STRN4: variants seen among roughly 807,000 people sequenced by gnomAD.
STRN4 encodes the protein striatin 4.
In STRN4, 27 loss-of-function variants were observed where a neutral mutation model predicts 77.9. That is an observed-to-expected ratio of 0.35 (90% CI 0.26 to 0.48). The LOEUF (loss-of-function observed/expected upper bound fraction) is 0.48, where lower values mean the gene tolerates loss of function less well. Ranked by LOEUF, STRN4 falls within the 20% of genes least tolerant of loss-of-function variation. The probability of loss-of-function intolerance (pLI) is 0.99; values close to 1 mark genes in which losing one functional copy is unlikely to be tolerated. For synonymous variants in STRN4, 466 were observed against 443.1 expected (o/e 1.05, Z -0.65); for missense variants, 798 against 1,049.7 (o/e 0.76, Z 3.31).
Position 46,733,710 on chromosome 19 carries a change from T to C in STRN4, c.540-474A>G, listed in dbSNP as rs1211724821. The C allele has an allele frequency of 6.4e-6, 1 of 157,410 alleles. No individual in the cohort carries two copies. The highest frequency in any genetic ancestry group is 1.9e-4 in the East Asian group (1 of 5,282). The allele number at this position is 157,410 out of a possible 1,614,324, so 9.8% of individuals were successfully genotyped here. ...CACACGCAAACACACGTTTGTATTA[T>C]GTCCCCCAAGAGGCCTAGAAAGATC... On this transcript the variant is annotated intron_variant, in intron 4 of 17. Transcript: ENST00000263280. The surrounding 1 kb of genome is among the most constrained non-coding windows in gnomAD (Gnocchi z 4.3).
At chr19:46,730,365 G>A (rs1186294418) in intron 6 of STRN4, among the ~76,000 whole-genome samples, 1 of 152,162 alleles carries the variant, frequency 6.6e-6, no homozygotes, top group Non-Finnish European at 1.5e-5. Context: ...GGGAGCCCAG[G>A]GTGAGTCAGA....
rs117891135 is a variant in STRN4 at position 46,734,526 on chromosome 19, C to A, written c.540-1290G>T. Among the ~76,000 whole-genome samples, 1,276 of 152,282 alleles carry A rather than the reference C, an allele frequency of 8.4e-3. 15 individuals are homozygous for A. Among genetic ancestry groups the A allele is most frequent in the Middle Eastern group, 0.017 (5 of 294 alleles). On this transcript the variant is annotated intron_variant, in intron 4 of 17. Coordinates refer to ENST00000263280, the MANE Select transcript of STRN4 (RefSeq NM_013403.3). ...AGCAACCTTGACAAAATACAAGGAA[C>A]TGACCATGGAGAGTTATGGTTATCT...
intron 1 of STRN4, among the ~76,000 whole-genome samples, chr19:46,745,318 G>A (rs2054560768): frequency 6.6e-6 from 1 of 152,048 alleles, no homozygotes; most frequent in Non-Finnish European, 1.5e-5. Context: ...CAGGCTCCTA[G>A]GGTACATTCC....
At position 46,727,992 on chromosome 19, in the gene STRN4, T is replaced by C. The variant is rs2054160389; in HGVS notation, c.1055A>G (p.Lys352Arg). The C allele has an allele frequency of 6.2e-7, 1 of 1,614,038 alleles. No individual in the cohort carries two copies. Among genetic ancestry groups the C allele is most frequent in the Admixed American group, 1.7e-5 (1 of 60,016 alleles). The change falls in exon 8 of 18, where the codon AAA becomes AGA. Residue 352 changes from lysine to arginine, a missense_variant. Physicochemically the swap from Lys to Arg is conservative, Grantham distance 26. This residue lies in a region of STRN4 where 511 missense variants were observed against 575.9 expected (regional missense o/e 0.89). Transcript: ENST00000263280. ...SPHELESRRV[K>R]LQGILADLRD... is the part of the protein sequence containing the mutation. The stretch of plus-strand genomic sequence containing the variant: ...CAGGTCAGCCAGAATGCCTTGGAGT[T>C]TGACCCGACGGCTTTCTGCAGGGTC...
chr19:46,741,648 C>A lies in STRN4; in HGVS notation c.283-2760G>T, dbSNP rs554473365. On this transcript the variant is annotated intron_variant, in intron 1 of 17. Coordinates refer to ENST00000263280, the MANE Select transcript of STRN4 (RefSeq NM_013403.3). This position sits in a 1 kb window ranked among gnomAD's most constrained non-coding sequence, Gnocchi z 4.9. Reference sequence around the variant, plus strand: ...CACTGCCACTCCCTCTAGCCAGAGCCGCAGAGCATGCGCTCCCAAAACCTT... The same window carrying A: ...CACTGCCACTCCCTCTAGCCAGAGCAGCAGAGCATGCGCTCCCAAAACCTT... Among the ~76,000 whole-genome samples the A allele has an allele frequency of 2.0e-4, 30 of 152,320 alleles. No individual in the cohort carries two copies. Among genetic ancestry groups the A allele is most frequent in the African/African-American group, 6.7e-4 (28 of 41,568 alleles).
intron 17 of STRN4, 86 bp from the exon 18 acceptor site, chr19:46,720,424 C>T (rs767854766): frequency 1.3e-5 from 10 of 755,894 alleles, no homozygotes; most frequent in African/African-American, 1.8e-5. Context: ...ATGCCCAGGG[C>T]TCCCCCAGTG....
intron 9 of STRN4, among the ~76,000 whole-genome samples, chr19:46,727,033 C>A (rs2054133115): frequency 6.6e-6 from 1 of 152,120 alleles, no homozygotes; most frequent in Admixed American, 6.5e-5. Flanking sequence ...TGCACATACA[C>A]CCACACCAAA....
chr19:46,740,957 G>C (rs765723052), intron 1 of STRN4, among the ~76,000 whole-genome samples: 2 of 152,222 alleles, frequency 1.3e-5, no homozygotes, highest in Non-Finnish European at 2.9e-5. Flanking sequence ...AGAGCTGCAT[G>C]GTGGGCTTAA....
intron 1 of STRN4, among the ~76,000 whole-genome samples, chr19:46,744,486 C>G (rs1445264541): frequency 6.6e-6 from 1 of 152,122 alleles, no homozygotes; most frequent in Non-Finnish European, 1.5e-5. Flanking sequence ...GGGGTTTAAG[C>G]AATCCTCCCA....
Position 46,746,439 on chromosome 19 carries a change from CG to C in STRN4, c.-10del, listed in dbSNP as rs2054624370. 5 of 1,008,364 alleles carry C rather than the reference CG, an allele frequency of 5.0e-6. No homozygotes were observed. Among genetic ancestry groups the C allele is most frequent in the Middle Eastern group, 4.8e-4 (1 of 2,082 alleles). The allele number at this position is 1,008,364 out of a possible 1,614,324, so 62.5% of individuals were successfully genotyped here. ...GCTCGCTCCTCCATCATGGAGGCCC[CG>C]GGGCCGGCCTGCGCGCCCGCTGTGC... On this transcript the variant is annotated 5_prime_UTR_variant, in exon 1 of 18. Transcript: ENST00000263280.
At position 46,723,423 on chromosome 19, in the gene STRN4, C is replaced by A. The variant is rs112959896; in HGVS notation, c.1595-139G>T. Reference sequence around the variant, plus strand: ...CACCCACTTCACACCTGGTGCCCCTCGGAACTGTCCACTGCCAGGACAGCC... The same window carrying A: ...CACCCACTTCACACCTGGTGCCCCTAGGAACTGTCCACTGCCAGGACAGCC... On this transcript the variant is annotated intron_variant, in intron 12 of 17. Coordinates refer to ENST00000263280, the MANE Select transcript of STRN4 (RefSeq NM_013403.3). The surrounding 1 kb of genome is among the most constrained non-coding windows in gnomAD (Gnocchi z 5.5). 443 of 1,110,414 alleles carry A rather than the reference C, an allele frequency of 4.0e-4. 2 individuals carry two copies. In the African/African-American group the frequency reaches 5.8e-3, roughly 15 times the overall value. The allele number at this position is 1,110,414 out of a possible 1,614,324, so 68.8% of individuals were successfully genotyped here.
At chr19:46,731,262 A>G in intron 5 of STRN4, among the ~76,000 whole-genome samples, 1 of 152,340 alleles carries the variant, frequency 6.6e-6, no homozygotes, top group Middle Eastern at 3.4e-3. Context: ...GTCAGGCAGG[A>G]GGCAAACACG....
rs73940759 is a variant in STRN4 at position 46,720,761 on chromosome 19, G to A, written c.2103C>T (p.Cys701=). 475 of 1,596,430 alleles carry A rather than the reference G, an allele frequency of 3.0e-4. No homozygotes were observed. The African/African-American group carries it at 6.0e-3, about 20-fold the overall frequency. ...GAFLMSGSHD[C]SLRLWSLDNK... is the part of the protein sequence containing the mutation. ...TGTCCAGGCTCCAGAGACGCAGGGA[G>A]CAGTCATGGCCTGCACATGTGTCGG... Residue 701 remains cysteine (C), a synonymous_variant, in exon 17 of 18, where the codon TGC becomes TGT. Transcript: ENST00000263280.
intron 1 of STRN4, among the ~76,000 whole-genome samples, chr19:46,743,789 G>A (rs568134695): frequency 1.4e-4 from 22 of 152,140 alleles, no homozygotes; most frequent in African/African-American, 5.1e-4. Context: ...TGTAATCCCA[G>A]CTACTTGCGA....
rs748792507 is a variant in STRN4 at position 46,736,873 on chromosome 19, G to A, written c.489C>T (p.Thr163=). The A allele has an allele frequency of 6.2e-7, 1 of 1,613,172 alleles. No homozygotes were observed. ...TCCACACCAACGGGCTGTTCTCCAG[G>A]GTGACCGATTCCACGGGGCCATTGG... ...QVSNGPVESV[T]LENSPLVWKE... Residue 163 remains threonine, a synonymous_variant, in exon 4 of 18, where the codon ACC becomes ACT. Transcript: ENST00000263280.
At chr19:46,735,213 C>G (rs997293489) in intron 4 of STRN4, among the ~76,000 whole-genome samples, 6 of 151,668 alleles carry the variant, frequency 4.0e-5, no homozygotes, top group African/African-American at 1.5e-4. Flanking sequence ...GGCTGAAGCA[C>G]GAGAATCACT....
intron 5 of STRN4, chr19:46,732,812 A>G: frequency 5.4e-6 from 3 of 552,854 alleles, no homozygotes; most frequent in Non-Finnish European, 6.4e-6. Flanking sequence ...GGACGGGGGC[A>G]GGGCTGGAGA....
Position 46,733,476 on chromosome 19 carries a change from A to C in STRN4, c.540-240T>G, listed in dbSNP as rs912529976. On this transcript the variant is annotated intron_variant, in intron 4 of 17. Coordinates refer to ENST00000263280, the MANE Select transcript of STRN4 (RefSeq NM_013403.3). This position sits in a 1 kb window ranked among gnomAD's most constrained non-coding sequence, Gnocchi z 4.3. ...CCTGCACTGCTGTATGGGGAAGCCG[A>C]AGCACAGGGACCAGCCTCAGCACCC... 31 of 515,664 alleles carry C rather than the reference A, an allele frequency of 6.0e-5. No homozygotes were observed. The highest frequency in any genetic ancestry group is 5.2e-4 in the Middle Eastern group (1 of 1,912). The allele number at this position is 515,664 out of a possible 1,614,324, so 31.9% of individuals were successfully genotyped here. A position where few individuals can be genotyped will look rare whatever the true frequency, so the allele number is the denominator to read the frequency against.
At chr19:46,743,536 C>A (rs968523894) in intron 1 of STRN4, among the ~76,000 whole-genome samples, 3 of 152,172 alleles carry the variant, frequency 2.0e-5, no homozygotes, top group African/African-American at 7.2e-5. Context: ...CCTGGGGAGG[C>A]CACTATGCTT....
Sources: gnomAD v4.1 joint callset for allele counts (sites outside exome capture counted in the v4.1 genomes callset) on GRCh38, gnomAD v4.1.1 for gene constraint, gnomAD v4.1.1 regional missense constraint, Gnocchi (gnomAD v3.1) non-coding constraint, MANE v1.5 for transcripts, NCBI Gene and HGNC (gene_info 2026-07-23, HGNC 2026-07-21) for gene names.